Variants in PTPRZ1 observed in about 807,000 individuals in gnomAD.
The protein encoded by PTPRZ1 is receptor-type tyrosine-protein phosphatase zeta.
PTPRZ1 carries 82 observed loss-of-function variants against 214.1 expected under a neutral mutation model. The ratio of observed to expected loss-of-function variants is 0.38; its 90% CI spans 0.32 to 0.46. PTPRZ1 has a LOEUF of 0.46. Ranked by LOEUF, PTPRZ1 falls within the 20% of genes least tolerant of loss-of-function variation. The pLI, the probability that PTPRZ1 is intolerant of heterozygous loss-of-function variation, is 1.00. For missense variants in PTPRZ1, 2,603 were observed against 2,748.7 expected (o/e 0.95, Z 1.19); for synonymous variants, 945 against 987.9 (o/e 0.96, Z 0.81).
chr7:122,015,306 A>G (rs1271017048), intron 12 of PTPRZ1, among the ~76,000 whole-genome samples: 1 of 152,184 alleles, frequency 6.6e-6, no homozygotes, highest in Non-Finnish European at 1.5e-5. Context: ...ATAAAAGTGA[A>G]TATTTGTAAT....
chr7:122,061,661 T>G lies in PTPRZ1; in HGVS notation c.*441T>G, dbSNP rs2150499147. On this transcript the variant is annotated 3_prime_UTR_variant, in exon 30 of 30. Transcript: ENST00000393386. Reference sequence around the variant, plus strand: ...CTCTTCCATATGATATTCAACATTTTACAACTGCAGTATTCACCTAAAGTA... The same window carrying G: ...CTCTTCCATATGATATTCAACATTTGACAACTGCAGTATTCACCTAAAGTA... 6.5e-6 allele frequency: 1 copy of G among 152,910 alleles called. No individual in the cohort carries two copies. The highest frequency in any genetic ancestry group is 1.5e-5 in the Non-Finnish European group (1 of 68,126). The allele number at this position is 152,910 out of a possible 1,614,324, so 9.5% of individuals were successfully genotyped here. A position where few individuals can be genotyped will look rare whatever the true frequency, so the allele number is the denominator to read the frequency against.
intron 1 of PTPRZ1, among the ~76,000 whole-genome samples, chr7:121,892,678 T>TCA (rs1794671019): frequency 3.3e-5 from 2 of 60,674 alleles, no homozygotes; most frequent in Non-Finnish European, 6.9e-5. Flanking sequence ...TTCAAGCATC[T>TCA]CATATATATA....
At chr7:121,918,325 A>C (rs1469229216) in intron 1 of PTPRZ1, among the ~76,000 whole-genome samples, 3 of 152,190 alleles carry the variant, frequency 2.0e-5, no homozygotes, top group Non-Finnish European at 2.9e-5. Context: ...AAATAAGACT[A>C]TTTCAAGGTT....
intron 1 of PTPRZ1, among the ~76,000 whole-genome samples, chr7:121,878,110 GA>G (rs1435795810): frequency 6.6e-6 from 1 of 151,864 alleles, no homozygotes; most frequent in African/African-American, 2.4e-5. Flanking sequence ...AGAAATTAAA[GA>G]AAGAAAAAAT....
intron 2 of PTPRZ1, among the ~76,000 whole-genome samples, chr7:121,940,811 A>G (rs1250860274): frequency 1.3e-5 from 2 of 152,140 alleles, no homozygotes; most frequent in South Asian, 4.1e-4. Context: ...CAAATGAAAA[A>G]AAAAAAAGGG....
At chr7:121,916,651 T>C (rs948713562) in intron 1 of PTPRZ1, among the ~76,000 whole-genome samples, 7 of 152,204 alleles carry the variant, frequency 4.6e-5, no homozygotes, top group African/African-American at 1.7e-4. Flanking sequence ...GCAATAAACC[T>C]GTGTAATCTA....
intron 1 of PTPRZ1, among the ~76,000 whole-genome samples, chr7:121,902,624 A>AT (rs1285850103): frequency 1.3e-5 from 2 of 151,802 alleles, no homozygotes; most frequent in Admixed American, 1.3e-4. Context: ...TCATGTTAGC[A>AT]TTTTTTTCAC....
At chr7:121,895,687 C>G (rs1331555478) in intron 1 of PTPRZ1, among the ~76,000 whole-genome samples, 1 of 152,140 alleles carries the variant, frequency 6.6e-6, no homozygotes, top group Non-Finnish European at 1.5e-5. Flanking sequence ...TTCAAGACGA[C>G]TCAGATTGGC....
At chr7:121,930,878 G>A (rs1795901426) in intron 2 of PTPRZ1, among the ~76,000 whole-genome samples, 1 of 152,032 alleles carries the variant, frequency 6.6e-6, no homozygotes, top group South Asian at 2.1e-4. Flanking sequence ...ATAATTATGA[G>A]AAACATGTCA....
chr7:121,952,568 A>C (rs1291934499), intron 2 of PTPRZ1, among the ~76,000 whole-genome samples: 2 of 152,156 alleles, frequency 1.3e-5, no homozygotes, highest in Non-Finnish European at 2.9e-5. Flanking sequence ...CCTGTGTGAC[A>C]GAATGAGCAC....
chr7:121,943,925 T>C (rs1796302874), intron 2 of PTPRZ1, among the ~76,000 whole-genome samples: 1 of 152,178 alleles, frequency 6.6e-6, no homozygotes, highest in Non-Finnish European at 1.5e-5. Context: ...AGCACATGCA[T>C]GAATATATTT....
intron 1 of PTPRZ1, among the ~76,000 whole-genome samples, chr7:121,875,462 AAGCATTATTTGT>A (rs1312750337): frequency 9.2e-5 from 14 of 152,186 alleles, no homozygotes; most frequent in African/African-American, 3.1e-4. Context: ...TTTCTCTGTA[AAGCATTATTTGT>A]AGCCTATTTT....
chr7:121,925,056 G>A (rs1057330285), intron 1 of PTPRZ1, among the ~76,000 whole-genome samples: 3 of 152,190 alleles, frequency 2.0e-5, no homozygotes, highest in Non-Finnish European at 4.4e-5. Context: ...CTTAGGAATC[G>A]TTGATATTGA....
intron 23 of PTPRZ1, among the ~76,000 whole-genome samples, chr7:122,045,402 C>T (rs192782495): frequency 1.3e-5 from 2 of 152,204 alleles, no homozygotes; most frequent in African/African-American, 4.8e-5. Flanking sequence ...CTGCTTTGCT[C>T]CCCAGTCTAC....
chr7:121,947,896 G>T (rs1796433350), intron 2 of PTPRZ1, among the ~76,000 whole-genome samples: 1 of 152,120 alleles, frequency 6.6e-6, no homozygotes, highest in Non-Finnish European at 1.5e-5. Context: ...ACATGAAATG[G>T]AATTTCACGC....
intron 6 of PTPRZ1, among the ~76,000 whole-genome samples, chr7:121,979,078 A>G (rs2116552598): frequency 6.6e-6 from 1 of 152,238 alleles, no homozygotes; most frequent in African/African-American, 2.4e-5. Flanking sequence ...ATTAAAAAAA[A>G]AAACACCTTT....
intron 1 of PTPRZ1, among the ~76,000 whole-genome samples, chr7:121,918,981 T>G (rs1009815404): frequency 6.6e-6 from 1 of 152,030 alleles, no homozygotes; most frequent in East Asian, 1.9e-4. Flanking sequence ...TATTCAACAT[T>G]TTTTCAATGT....
chr7:121,873,388 A>C lies in PTPRZ1; in HGVS notation c.-112A>C. The C allele has an allele frequency of 9.9e-7, 1 of 1,010,168 alleles. No individual in the cohort carries two copies. The highest frequency in any genetic ancestry group is 1.5e-6 in the Non-Finnish European group (1 of 676,878). The allele number at this position is 1,010,168 out of a possible 1,614,324, so 62.6% of individuals were successfully genotyped here. A position where few individuals can be genotyped will look rare whatever the true frequency, so the allele number is the denominator to read the frequency against. ...CACGCACGATCTCACTTCGATCTAT[A>C]CACTGGAGGATTAAAACAAACAAAC... On this transcript the variant is annotated 5_prime_UTR_variant, in exon 1 of 30. Coordinates refer to ENST00000393386, the MANE Select transcript of PTPRZ1 (RefSeq NM_002851.3).
intron 2 of PTPRZ1, among the ~76,000 whole-genome samples, chr7:121,939,627 A>G (rs1206516): frequency 0.69 from 104,441 of 152,090 alleles, 37,441 homozygotes; most frequent in African/African-American, 0.91. Flanking sequence ...TCAACTCCCT[A>G]GCTTGCCTTC....
Sources: allele counts gnomAD v4.1 joint callset (sites outside exome capture counted in the v4.1 genomes callset), GRCh38; gene constraint gnomAD v4.1.1; transcripts MANE v1.5; gene names NCBI Gene and HGNC (gene_info 2026-07-23, HGNC 2026-07-21).